Variants in SCAPER observed in about 807,000 individuals in gnomAD.
SCAPER encodes S phase cyclin A-associated protein in the endoplasmic reticulum.
Under a neutral mutation model 182.2 loss-of-function variants are expected in SCAPER, and 98 were observed. The ratio of observed to expected loss-of-function variants is 0.54; its 90% CI spans 0.46 to 0.64. SCAPER has a LOEUF of 0.64. Among genes scored for constraint, SCAPER ranks in the 30% least tolerant of loss-of-function variants. The probability of loss-of-function intolerance (pLI) is 0.00; values close to 1 mark genes in which losing one functional copy is unlikely to be tolerated. For synonymous variants in SCAPER, 605 were observed against 564.6 expected (o/e 1.07, Z -1.01); for missense variants, 1,432 against 1,690.0 (o/e 0.85, Z 2.68).
chr15:76,700,606 C>T (rs1207206458), intron 20 of SCAPER, among the ~76,000 whole-genome samples: 1 of 152,140 alleles, frequency 6.6e-6, no homozygotes, highest in East Asian at 1.9e-4. Context: ...TGCCAGCCTT[C>T]TTGATGGTCT....
chr15:76,535,521 CA>C (rs56660301), intron 23 of SCAPER, among the ~76,000 whole-genome samples: 1,897 of 46,520 alleles, frequency 0.041, 8 homozygotes, highest in African/African-American at 0.11. Context: ...GACTCTGTCT[CA>C]AAAAAAAAAA....
At chr15:76,864,636 C>G (rs1269820149) in intron 2 of SCAPER, among the ~76,000 whole-genome samples, 1 of 151,842 alleles carries the variant, frequency 6.6e-6, no homozygotes, top group Non-Finnish European at 1.5e-5. Context: ...AAAAAAGTCA[C>G]TATAGTACAC....
At chr15:76,579,449 G>C (rs2048107473) in intron 22 of SCAPER, among the ~76,000 whole-genome samples, 1 of 151,304 alleles carries the variant, frequency 6.6e-6, no homozygotes, top group Admixed American at 6.6e-5. Flanking sequence ...GTAGTGTTAA[G>C]TTGTCATCAG....
At chr15:76,463,495 T>C (rs2049349928) in intron 25 of SCAPER, among the ~76,000 whole-genome samples, 2 of 152,158 alleles carry the variant, frequency 1.3e-5, no homozygotes, top group Non-Finnish European at 2.9e-5. Flanking sequence ...AACAGTATCA[T>C]ATCAATTATT....
intron 9 of SCAPER, among the ~76,000 whole-genome samples, chr15:76,772,550 C>G (rs2063529787): frequency 1.3e-5 from 2 of 151,922 alleles, no homozygotes; most frequent in Admixed American, 1.3e-4. Context: ...AAGAGAAAAG[C>G]ATGACCTAAG....
Position 76,607,636 on chromosome 15 carries a change from C to T in SCAPER, c.2711+14128G>A, listed in dbSNP as rs183869415. On this transcript the variant is annotated intron_variant, in intron 22 of 31. Transcript: ENST00000563290. ...TTTTCCAACTTGGTTCCATTCTCCC[C>T]GTCACTTTCAGGTACACCAATCAGA... Among the ~76,000 whole-genome samples, 762 of 152,250 alleles carry T rather than the reference C, an allele frequency of 5.0e-3. 6 individuals carry two copies. The highest frequency in any genetic ancestry group is 0.016 in the African/African-American group (661 of 41,544).
intron 5 of SCAPER, among the ~76,000 whole-genome samples, chr15:76,819,884 A>C (rs2067385721): frequency 6.6e-6 from 1 of 152,216 alleles, no homozygotes; most frequent in African/African-American, 2.4e-5. Flanking sequence ...ATGAACCCAA[A>C]CAAATTTACA....
Position 76,844,915 on chromosome 15 carries a change from C to CA in SCAPER, c.196-2985dup, listed in dbSNP as rs1482795541. 1.9e-4 allele frequency among the ~76,000 whole-genome samples: 29 copies of CA among 151,904 alleles called. No individual in the cohort carries two copies. In the East Asian group the frequency reaches 5.6e-3, roughly 29 times the overall value. ...AATCAGACAGACACATCAAAAAAAA[C>CA]AAAAATACAGGCCACTATCTTTGAT... On this transcript the variant is annotated intron_variant, in intron 4 of 31. Transcript: ENST00000563290.
intron 24 of SCAPER, among the ~76,000 whole-genome samples, chr15:76,495,968 A>G (rs2040461866): frequency 6.7e-6 from 1 of 149,170 alleles, no homozygotes; most frequent in Admixed American, 6.8e-5. Flanking sequence ...TGAGAGGGAG[A>G]AAGAGAAAGA....
At chr15:76,642,867 G>A (rs1393510704) in intron 21 of SCAPER, among the ~76,000 whole-genome samples, 2 of 152,192 alleles carry the variant, frequency 1.3e-5, no homozygotes, top group East Asian at 3.9e-4. Context: ...ACCATTTAGG[G>A]TACTACCACT....
At chr15:76,550,502 T>C (rs547504944) in intron 23 of SCAPER, among the ~76,000 whole-genome samples, 1 of 152,356 alleles carries the variant, frequency 6.6e-6, no homozygotes, top group African/African-American at 2.4e-5. Context: ...GTTCCATCCA[T>C]GTCCCTGCAA....
intron 1 of SCAPER, among the ~76,000 whole-genome samples, chr15:76,900,725 A>T (rs566633671): frequency 3.2e-4 from 48 of 152,354 alleles, no homozygotes; most frequent in African/African-American, 1.2e-3. Flanking sequence ...AAGTTTGGGT[A>T]CACAGGTTGT....
intron 27 of SCAPER, among the ~76,000 whole-genome samples, chr15:76,382,974 T>C (rs2043050949): frequency 6.6e-6 from 1 of 152,154 alleles, no homozygotes; most frequent in African/African-American, 2.4e-5. Flanking sequence ...TTTGGCATGA[T>C]CTACACAATA....
rs577083992 is a variant in SCAPER at position 76,518,548 on chromosome 15, G to A, written c.2839-13574C>T. On this transcript the variant is annotated intron_variant, in intron 23 of 31. Coordinates refer to ENST00000563290, the MANE Select transcript of SCAPER (RefSeq NM_020843.4). Reference sequence around the variant, plus strand: ...AAACAGCTAGTGATAGGCAGGGGCAGGGTTTTCTCAGATGGATTATCTGGA... The same window carrying A: ...AAACAGCTAGTGATAGGCAGGGGCAAGGTTTTCTCAGATGGATTATCTGGA... 1.2e-4 allele frequency among the ~76,000 whole-genome samples: 18 copies of A among 152,210 alleles called. No homozygotes were observed. In the South Asian group the frequency reaches 3.1e-3, roughly 26 times the overall value.
chr15:76,699,922 A>C (rs149742614), intron 20 of SCAPER, among the ~76,000 whole-genome samples: 27 of 152,332 alleles, frequency 1.8e-4, no homozygotes, highest in African/African-American at 6.5e-4. Flanking sequence ...CAGTAGCAGC[A>C]TGGTGGCAAA....
intron 23 of SCAPER, among the ~76,000 whole-genome samples, chr15:76,554,387 C>G (rs902492797): frequency 5.3e-5 from 8 of 152,138 alleles, no homozygotes; most frequent in Admixed American, 2.6e-4. Context: ...GGAGAGAAAG[C>G]AAGCAACCTG....
chr15:76,381,171 T>A (rs931081013), intron 28 of SCAPER: 1 of 287,704 alleles, frequency 3.5e-6, no homozygotes, highest in Non-Finnish European at 6.2e-6. Flanking sequence ...ATGGTAGCTA[T>A]GAGAATAAAT....
intron 25 of SCAPER, among the ~76,000 whole-genome samples, chr15:76,470,939 CTAACTA>C (rs1164152735): frequency 6.6e-6 from 1 of 152,082 alleles, no homozygotes; most frequent in Non-Finnish European, 1.5e-5. Context: ...AAGCCCCAGT[CTAACTA>C]TGTAAATCTG....
At chr15:76,797,068 C>T (rs2065383028) in intron 7 of SCAPER, among the ~76,000 whole-genome samples, 1 of 152,084 alleles carries the variant, frequency 6.6e-6, no homozygotes, top group Admixed American at 6.6e-5. Flanking sequence ...GAGTATAAGA[C>T]ATTGCAAATG....
Sources: gnomAD v4.1 joint callset for allele counts (sites outside exome capture counted in the v4.1 genomes callset) on GRCh38, gnomAD v4.1.1 for gene constraint, MANE v1.5 for transcripts, NCBI Gene and HGNC (gene_info 2026-07-23, HGNC 2026-07-21) for gene names.